Variants in ARAP2 observed in about 807,000 individuals in gnomAD.
ARAP2 encodes arf-GAP with Rho-GAP domain, ANK repeat and PH domain-containing protein 2.
ARAP2 carries 148 observed loss-of-function variants against 194.5 expected under a neutral mutation model. The observed-to-expected ratio is 0.76, with a 90% CI of 0.67 to 0.87. The LOEUF is 0.87. ARAP2 is among the 40% of genes least tolerant of loss of function. The pLI is 0.00. For synonymous variants in ARAP2, 695 were observed against 683.5 expected (o/e 1.02, Z -0.26); for missense variants, 2,128 against 1,989.7 (o/e 1.07, Z -1.32).
At chr4:36,117,271 T>C in intron 24 of ARAP2, 136 bp from the exon 25 acceptor site, 1 of 578,794 alleles carries the variant, frequency 1.7e-6, no homozygotes, top group Non-Finnish European at 2.8e-6. Context: ...ATTCCCCTGC[T>C]CACAAGCATG....
chr4:36,028,928 G>C (rs1325326292), intron 5 of ARAP2, among the ~76,000 whole-genome samples: 1 of 151,626 alleles, frequency 6.6e-6, no homozygotes, highest in Admixed American at 6.6e-5. Flanking sequence ...TTCCAGTTTT[G>C]TTATACTGTG....
Position 36,177,847 on chromosome 4 carries a change from A to G in ARAP2, c.1837T>C (p.Trp613Arg). ...CTCACCTGTTCGTTTTTGCAAAGCC[A>G]CACACTGTTTCCACTTAACACAGTA... is the stretch of plus-strand genomic sequence containing the variant. ...IFTVLSGNSV[W>R]LCKNEQDFKS... Residue 613 changes from tryptophan (W) to arginine (R), a missense_variant, in exon 9 of 33, where the codon TGG becomes CGG. Physicochemically the swap from Trp to Arg is moderately radical, Grantham distance 101. Transcript: ENST00000303965. 1 of 1,609,226 alleles carries G rather than the reference A, an allele frequency of 6.2e-7. No individual in the cohort carries two copies. Among genetic ancestry groups the G allele is most frequent in the African/African-American group, 1.3e-5 (1 of 74,732 alleles).
intron 2 of ARAP2, among the ~76,000 whole-genome samples, chr4:36,053,296 G>A (rs999649875): frequency 2.0e-5 from 3 of 151,604 alleles, no homozygotes; most frequent in East Asian, 1.9e-4. Context: ...GAGCCACCGC[G>A]CCCGGCCCAG....
At chr4:36,177,238 C>T (rs1455934804) in intron 9 of ARAP2, among the ~76,000 whole-genome samples, 1 of 151,672 alleles carries the variant, frequency 6.6e-6, no homozygotes, top group East Asian at 1.9e-4. Flanking sequence ...TTTAGTAAAC[C>T]AATAATTTTA....
At chr4:36,188,645 C>G (rs1002505867) in intron 7 of ARAP2, among the ~76,000 whole-genome samples, 1 of 152,134 alleles carries the variant, frequency 6.6e-6, no homozygotes, top group African/African-American at 2.4e-5. Flanking sequence ...TATAGAAGGT[C>G]TGCAATATTA....
At position 36,147,687 on chromosome 4, in the gene ARAP2, T is replaced by C. The variant is rs1729968995; in HGVS notation, c.3060A>G (p.Gln1020=). ...LTEADYDLIG[Q]LFYKDCHALD... Reference sequence around the variant, plus strand: ...GGGCATGGCAGTCTTTGTAGAAGAGTTGACCAATCAAATCATAGTCAGCTT... The same window carrying C: ...GGGCATGGCAGTCTTTGTAGAAGAGCTGACCAATCAAATCATAGTCAGCTT... Residue 1020 remains glutamine, a synonymous_variant, in exon 18 of 33, where the codon CAA becomes CAG. Coordinates refer to ENST00000303965, the MANE Select transcript of ARAP2 (RefSeq NM_015230.4). The C allele has an allele frequency of 6.2e-7, 1 of 1,613,026 alleles. No homozygotes were observed. The highest frequency in any genetic ancestry group is 8.5e-7 in the Non-Finnish European group (1 of 1,179,540).
intron 32 of ARAP2, among the ~76,000 whole-genome samples, chr4:36,071,693 A>ATTTTTTTTTTTTTTTTTT (rs55918222): frequency 6.8e-6 from 1 of 147,116 alleles, no homozygotes. Context: ...TTTTTTTTTA[A>ATTTTTTTTTTTTTTTTTT]TTTTTTTTCT....
chr4:36,104,608 C>T (rs566508346), intron 27 of ARAP2, among the ~76,000 whole-genome samples: 6 of 151,894 alleles, frequency 4.0e-5, no homozygotes, highest in East Asian at 1.9e-4. Context: ...GAAAAAATCA[C>T]GACTTAAGAA....
intron 7 of ARAP2, among the ~76,000 whole-genome samples, chr4:36,192,047 T>C (rs984945139): frequency 2.0e-5 from 3 of 152,144 alleles, no homozygotes; most frequent in Non-Finnish European, 4.4e-5. Flanking sequence ...TTCTCATAGC[T>C]GTTAACACCG....
Position 36,210,508 on chromosome 4 carries a change from T to C in ARAP2, c.1369A>G (p.Ser457Gly). 9 of 1,613,848 alleles carry C rather than the reference T, an allele frequency of 5.6e-6. No individual in the cohort carries two copies. Among genetic ancestry groups the C allele is most frequent in the Non-Finnish European group, 7.6e-6 (9 of 1,179,746 alleles). Residue 457 changes from serine to glycine, a missense_variant, in exon 6 of 33, where the codon AGT (serine) becomes GGT (glycine). By Grantham distance (56) the Ser-to-Gly change is moderately conservative. Transcript: ENST00000303965. Reference protein sequence around the residue: ...NRHSYPLSSTSGNADSSAVSS... With the variant: ...NRHSYPLSSTGGNADSSAVSS... The stretch of plus-strand genomic sequence containing the variant: ...ACGGCTGATGAATCAGCATTTCCAC[T>C]TGTTGAGCTTAACGGATAACTGTGC...
At chr4:36,075,099 T>TGG (rs1727958465) in intron 31 of ARAP2, among the ~76,000 whole-genome samples, 1 of 152,144 alleles carries the variant, frequency 6.6e-6, no homozygotes. Flanking sequence ...AAAAAGCATA[T>TGG]TATATAATTG....
At chr4:36,072,766 T>A (rs1221147075) in intron 32 of ARAP2, among the ~76,000 whole-genome samples, 3 of 151,596 alleles carry the variant, frequency 2.0e-5, no homozygotes, top group Non-Finnish European at 4.4e-5. Flanking sequence ...TTACTTTGAT[T>A]ACATCAGGGC....
At chr4:36,114,540 A>G (rs916825839) in intron 25 of ARAP2, among the ~76,000 whole-genome samples, 2 of 152,016 alleles carry the variant, frequency 1.3e-5, no homozygotes, top group Non-Finnish European at 2.9e-5. Flanking sequence ...CAATTAGACC[A>G]CTCAGAAGGA....
chr4:36,175,866 A>G (rs79031621), intron 9 of ARAP2, among the ~76,000 whole-genome samples: 6,199 of 152,162 alleles, frequency 0.041, 173 homozygotes, highest in Non-Finnish European at 0.061. Context: ...TGTACAACCT[A>G]TTATTGCACT....
rs139238452 is a variant in ARAP2 at position 36,166,980 on chromosome 4, C to T, written c.1925G>A (p.Arg642Gln). The T allele has an allele frequency of 1.4e-4, 224 of 1,608,728 alleles. 1 individual carries two copies. Among genetic ancestry groups the T allele is most frequent in the Admixed American group, 4.4e-4 (26 of 59,042 alleles). ...MNVANVKQVD[R>Q]TVKQSFEIIT... ...TATTTCAAAAGATTGTTTCACAGTT[C>T]GGTCCACTTGCTTTACATTTGCTAC... Residue 642 changes from arginine to glutamine, a missense_variant, in exon 10 of 33, where the codon CGA becomes CAA. Transcript: ENST00000303965.
At chr4:36,089,486 G>A (rs917085768) in intron 28 of ARAP2, among the ~76,000 whole-genome samples, 3 of 152,088 alleles carry the variant, frequency 2.0e-5, no homozygotes, top group Non-Finnish European at 4.4e-5. Context: ...GATTATGTTA[G>A]TAACTTCATT....
chr4:36,028,582 AC>A lies in ARAP2; in HGVS notation n.608-9297del, dbSNP rs1249812334. On this transcript the variant is annotated intron_variant and non_coding_transcript_variant, in intron 5 of 12. Coordinates refer to the ARAP2 transcript ENST00000503225. ...TTGTACTTTTTCATTTTCTTTCTTTACTAAATTAGCTAATGTTTGTCTTCTG... is the reference window on the plus strand; with the variant it reads ...TTGTACTTTTTCATTTTCTTTCTTTATAAATTAGCTAATGTTTGTCTTCTG... Among the ~76,000 whole-genome samples, 4 of 149,890 alleles carry A rather than the reference AC, an allele frequency of 2.7e-5. No homozygotes were observed. The East Asian group carries it at 7.9e-4, about 29-fold the overall frequency.
intron 3 of ARAP2, among the ~76,000 whole-genome samples, chr4:36,050,362 A>G (rs574206854): frequency 6.6e-6 from 1 of 152,314 alleles, no homozygotes; most frequent in African/African-American, 2.4e-5. Context: ...AATTAGTACA[A>G]AAGTAACTCT....
At chr4:36,165,171 T>C in intron 10 of ARAP2, 58 bp from the exon 11 acceptor site, 1 of 1,538,284 alleles carries the variant, frequency 6.5e-7, no homozygotes, top group South Asian at 1.1e-5. Flanking sequence ...AATTAAGCAG[T>C]ATGTTCAGTT....
Sources: gnomAD v4.1 joint callset for allele counts (sites outside exome capture counted in the v4.1 genomes callset) on GRCh38, gnomAD v4.1.1 for gene constraint, MANE v1.5 for transcripts, NCBI Gene and HGNC (gene_info 2026-07-23, HGNC 2026-07-21) for gene names.